The following MYH8 variants were observed in gnomAD, a reference collection of about 807,000 sequenced individuals.
MYH8 encodes the protein myosin-8.
In MYH8, 168 loss-of-function variants were observed where a neutral mutation model predicts 233.2. That is an observed-to-expected ratio of 0.72 (90% CI 0.64 to 0.82). The LOEUF (loss-of-function observed/expected upper bound fraction) is 0.82, where lower values mean the gene tolerates loss of function less well. Ranked by LOEUF, MYH8 falls within the 40% of genes least tolerant of loss-of-function variation. The probability of loss-of-function intolerance (pLI) is 0.00; values close to 1 mark genes in which losing one functional copy is unlikely to be tolerated. For synonymous variants in MYH8, 785 were observed against 850.6 expected, an observed-to-expected ratio of 0.92 and a Z score of 1.34; for missense variants, 1,995 against 2,327.8, an observed-to-expected ratio of 0.86 and a Z score of 2.94.
intron 35 of MYH8, among the ~76,000 whole-genome samples, chr17:10,393,560 G>C (rs745713566): frequency 1.3e-5 from 2 of 152,318 alleles, no homozygotes; most frequent in African/African-American, 4.8e-5. Flanking sequence ...TGAGTGGCAG[G>C]CACTGAGAGT....
In MYH8 at chr17:10,414,398, G is replaced by C. The variant is rs565366982; in HGVS notation, c.892C>G (p.Pro298Ala). The change falls in exon 10 of 40, where the codon CCA becomes GCA. Residue 298 changes from proline (P) to alanine (A), a missense_variant. Pro to Ala is a conservative substitution (Grantham distance 27). Transcript: ENST00000403437. ...IFYQITSNKK[P>A]DLIEMLLITT... ...AGTTCTTTCTTACCAATTAGATCTG[G>C]CTTCTTATTGGAAGTGATCTGATAA... is the stretch of plus-strand genomic sequence containing the variant. The C allele has an allele frequency of 6.9e-5, 111 of 1,609,708 alleles. No homozygotes were observed. Among genetic ancestry groups the C allele is most frequent in the South Asian group, 6.4e-4 (58 of 90,962 alleles).
chr17:10,403,993 G>A (rs1469054521), intron 22 of MYH8, among the ~76,000 whole-genome samples: 1 of 152,182 alleles, frequency 6.6e-6, no homozygotes, highest in Non-Finnish European at 1.5e-5. Context: ...CTTGCATTTA[G>A]AAAATAGAGC....
At position 10,412,360 on chromosome 17, in the gene MYH8, T is replaced by C. The variant is rs1408290504; in HGVS notation, c.1416+10A>G. The C allele has an allele frequency of 3.1e-6, 5 of 1,614,018 alleles. No individual in the cohort carries two copies. Among genetic ancestry groups the C allele is most frequent in the Non-Finnish European group, 3.4e-6 (4 of 1,179,974 alleles). On this transcript the variant is annotated intron_variant, in intron 14 of 39. Coordinates refer to ENST00000403437, the MANE Select transcript of MYH8 (RefSeq NM_002472.3). ...TTGCCTCCTTCTTAATTCTTGTTAA[T>C]ATAACTCACATCAAAGATTTCAAAG...
At chr17:10,416,655 A>G (rs919561366) in intron 5 of MYH8, among the ~76,000 whole-genome samples, 5 of 152,204 alleles carry the variant, frequency 3.3e-5, no homozygotes, top group Non-Finnish European at 7.3e-5. Flanking sequence ...TAACGAGTGT[A>G]AGGTACATAT....
rs1166186246 is a variant in MYH8 at position 10,396,704 on chromosome 17, C to T, written c.4377G>A (p.Trp1459Ter). The T allele has an allele frequency of 6.2e-7, 1 of 1,614,208 alleles. No individual in the cohort carries two copies. The highest frequency in any genetic ancestry group is 1.1e-5 in the South Asian group (1 of 91,092). ...QRNFDKVLSE[W>*]KQKYEETQAE... ...CCTGAGTTTCCTCATACTTCTGCTT[C>T]CATTCTGATAGGACCTGAAAAGCAA... Residue 1459 changes from tryptophan (W) to a stop codon, truncating the protein, a stop_gained, in exon 32 of 40, where the codon TGG becomes TGA. Coordinates refer to ENST00000403437, the MANE Select transcript of MYH8 (RefSeq NM_002472.3). LOFTEE classifies it high-confidence loss of function. The surrounding 1 kb of genome is among the most constrained non-coding windows in gnomAD (Gnocchi z 4.2).
In MYH8 at chr17:10,392,303, C is replaced by T. The variant is rs74634722; in HGVS notation, c.5568+239G>A. Among the ~76,000 whole-genome samples, 2,904 of 146,912 alleles carry T rather than the reference C, an allele frequency of 0.02. 78 individuals are homozygous for T. Among genetic ancestry groups the T allele is most frequent in the African/African-American group, 0.075 (2,758 of 36,918 alleles). Reference sequence around the variant, plus strand: ...AGAGAGGCCAAACTAGGACTAATACCCAGTTAATCTGCCTTTAAAATCTGT... The same window carrying T: ...AGAGAGGCCAAACTAGGACTAATACTCAGTTAATCTGCCTTTAAAATCTGT... On this transcript the variant is annotated intron_variant, in intron 38 of 39. Transcript: ENST00000403437.
chr17:10,401,242 A>C, intron 24 of MYH8, 33 bp downstream of exon 24: 1 of 1,613,874 alleles, frequency 6.2e-7, no homozygotes, highest in Non-Finnish European at 8.5e-7. Flanking sequence ...TTTTTAAAAA[A>C]ATCTTTCAAA....
intron 27 of MYH8, 56 bp from the exon 28 acceptor site, chr17:10,399,725 A>G (rs541203707): frequency 7.2e-5 from 115 of 1,607,304 alleles, no homozygotes; most frequent in Non-Finnish European, 9.0e-5. Context: ...AAAGGTTAAA[A>G]CTTGATTCTT....
chr17:10,393,433 G>A (rs2072048365), intron 35 of MYH8, among the ~76,000 whole-genome samples: 3 of 152,156 alleles, frequency 2.0e-5, no homozygotes, highest in Non-Finnish European at 1.5e-5. Flanking sequence ...TCTGAGGTTT[G>A]AGAATGCCTT....
At chr17:10,394,529 G>A in intron 34 of MYH8, 77 bp from the exon 35 acceptor site, 1 of 1,519,430 alleles carries the variant, frequency 6.6e-7, no homozygotes, top group East Asian at 2.3e-5. Context: ...CTGGGAGATT[G>A]TACTGGTGAC....
At chr17:10,403,289 A>C (rs1386495877) in intron 22 of MYH8, among the ~76,000 whole-genome samples, 1 of 152,204 alleles carries the variant, frequency 6.6e-6, no homozygotes, top group Non-Finnish European at 1.5e-5. Context: ...TGTATAGCTC[A>C]ATAAAGTTTT....
rs756213751 is a variant in MYH8, at chr17:10,393,089, G to A, written c.5288C>T (p.Thr1763Ile). ...NAEEKAKKAI[T>I]DAAMMAEELK... Reference sequence around the variant, plus strand: ...TAGGCCAAATGTTCATCTTACATCAGTGATGGCCTTCTTGGCTTTCTCTTC... The same window carrying A: ...TAGGCCAAATGTTCATCTTACATCAATGATGGCCTTCTTGGCTTTCTCTTC... The change falls in exon 36 of 40, where the codon ACT becomes ATT. Residue 1763 changes from threonine (T) to isoleucine (I), a missense_variant. Thr to Ile is a moderately conservative substitution (Grantham distance 89, BLOSUM62 -1). This residue lies in a region of MYH8 where 1,498 missense variants were observed against 1,680.9 expected (regional missense o/e 0.89). Transcript: ENST00000403437. 1 of 1,614,084 alleles carries A rather than the reference G, an allele frequency of 6.2e-7. No homozygotes were observed. The highest frequency in any genetic ancestry group is 1.3e-5 in the African/African-American group (1 of 74,922).
At position 10,398,751 on chromosome 17, in the gene MYH8, T is replaced by C; in HGVS notation, c.3981+17A>G. On this transcript the variant is annotated intron_variant, in intron 29 of 39. Coordinates refer to ENST00000403437, the MANE Select transcript of MYH8 (RefSeq NM_002472.3). ...GTTTAGATTTGGTTAGTCAAAAAAA[T>C]CCTTGGCAAAACTCACTTTAGTTTC... The C allele has an allele frequency of 1.9e-6, 3 of 1,613,970 alleles. No homozygotes were observed. The highest frequency in any genetic ancestry group is 2.5e-6 in the Non-Finnish European group (3 of 1,179,892).
chr17:10,392,687 A>T (rs1406471729), intron 37 of MYH8, 41 bp from the exon 38 acceptor site: 1 of 1,613,326 alleles, frequency 6.2e-7, no homozygotes, highest in South Asian at 1.1e-5. Flanking sequence ...GTCTTGGGGG[A>T]TATTAATTAG....
rs752494761 is a variant in MYH8, at chr17:10,401,000, T to C, written c.3255-41A>G. 39 of 1,613,286 alleles carry C rather than the reference T, an allele frequency of 2.4e-5. No homozygotes were observed. The highest frequency in any genetic ancestry group is 3.2e-5 in the Non-Finnish European group (38 of 1,179,388). On this transcript the variant is annotated intron_variant, in intron 25 of 39. Coordinates refer to ENST00000403437, the MANE Select transcript of MYH8 (RefSeq NM_002472.3). This position sits in a 1 kb window ranked among gnomAD's most constrained non-coding sequence, Gnocchi z 4.0. ...CAAGACGTATTAATACTCATGTGAATTGAAAGATGATATCACATAGAAGTT... is the reference window on the plus strand; with the variant it reads ...CAAGACGTATTAATACTCATGTGAACTGAAAGATGATATCACATAGAAGTT...
intron 22 of MYH8, among the ~76,000 whole-genome samples, chr17:10,402,540 A>G (rs201329953): frequency 6.6e-6 from 1 of 152,068 alleles, no homozygotes; most frequent in East Asian, 1.9e-4. Context: ...ATTGCCATAT[A>G]CCATTTACCT....
At position 10,398,999 on chromosome 17, in the gene MYH8, T is replaced by C; in HGVS notation, c.3863-113A>G. 5 of 264,954 alleles carry C rather than the reference T, an allele frequency of 1.9e-5. No individual in the cohort carries two copies. The South Asian group carries it at 4.7e-4, about 25-fold the overall frequency. The allele number at this position is 264,954 out of a possible 1,614,324, so 16.4% of individuals were successfully genotyped here. A position where few individuals can be genotyped will look rare whatever the true frequency, so the allele number is the denominator to read the frequency against. ...ATATGTATATATGTGTGTGTGTATA[T>C]ATATATATATATATATATACAAGTT... On this transcript the variant is annotated intron_variant, in intron 28 of 39. Transcript: ENST00000403437.
chr17:10,411,134 TG>T (rs2072240404), intron 14 of MYH8, among the ~76,000 whole-genome samples, 187 bp from the exon 15 acceptor site: 1 of 152,180 alleles, frequency 6.6e-6, no homozygotes, highest in African/African-American at 2.4e-5. Flanking sequence ...CCCAGCACTT[TG>T]GGAGGCCGCG....
At chr17:10,418,533 C>A in intron 5 of MYH8, 112 bp downstream of exon 5, 5 of 1,591,294 alleles carry the variant, frequency 3.1e-6, no homozygotes, top group Non-Finnish European at 4.3e-6. Flanking sequence ...AACAGTGAAG[C>A]CCCATGTGGC....
Sources: allele counts gnomAD v4.1 joint callset (sites outside exome capture counted in the v4.1 genomes callset), GRCh38; gene constraint gnomAD v4.1.1; regional missense constraint gnomAD v4.1.1; non-coding constraint Gnocchi (gnomAD v3.1); transcripts MANE v1.5; gene names NCBI Gene and HGNC (gene_info 2026-07-23, HGNC 2026-07-21).